The following CSMD2 variants were observed in gnomAD, a reference collection of about 807,000 sequenced individuals.
The protein encoded by CSMD2 is CUB and sushi domain-containing protein 2.
A neutral mutation model predicts 398.5 loss-of-function variants in CSMD2; 130 were observed. That is an observed-to-expected ratio of 0.33 (90% confidence interval 0.28 to 0.38). The LOEUF (loss-of-function observed/expected upper bound fraction) is 0.38. Ranked by LOEUF, CSMD2 falls within the 10% of genes least tolerant of loss-of-function variation. CSMD2 has a pLI of 1.00. For missense variants in CSMD2, 3,829 were observed against 4,764.9 expected, an observed-to-expected ratio of 0.80 and a Z score of 5.78; for synonymous variants, 1,828 against 1,908.5, an observed-to-expected ratio of 0.96 and a Z score of 1.10.
intron 3 of CSMD2, among the ~76,000 whole-genome samples, chr1:33,941,342 G>C (rs1558137265): frequency 6.6e-6 from 1 of 152,158 alleles, no homozygotes; most frequent in African/African-American, 2.4e-5. Context: ...ATAATGAAGA[G>C]TCATTTATGC....
At chr1:33,782,420 T>C (rs148565545) in intron 12 of CSMD2, among the ~76,000 whole-genome samples, 2 of 152,178 alleles carry the variant, frequency 1.3e-5, no homozygotes, top group Non-Finnish European at 2.9e-5. Flanking sequence ...TGAGTCCTCA[T>C]GAGACCCTGG....
chr1:34,055,262 T>C (rs989465202), intron 2 of CSMD2, among the ~76,000 whole-genome samples: 1 of 152,238 alleles, frequency 6.6e-6, no homozygotes, highest in Non-Finnish European at 1.5e-5. Context: ...AGAATACTTC[T>C]GTAACCAAAT....
chr1:33,865,263 G>T (rs1335943828), intron 5 of CSMD2, among the ~76,000 whole-genome samples: 1 of 151,774 alleles, frequency 6.6e-6, no homozygotes, highest in Non-Finnish European at 1.5e-5. Context: ...GGCCCCAGGA[G>T]AAACATATGG....
intron 2 of CSMD2, among the ~76,000 whole-genome samples, chr1:34,040,157 C>T (rs1159250053): frequency 6.6e-6 from 1 of 150,888 alleles, no homozygotes; most frequent in East Asian, 1.9e-4. Flanking sequence ...TACCACTGTG[C>T]TCCAGCCTGG....
intron 29 of CSMD2, among the ~76,000 whole-genome samples, chr1:33,637,079 T>G (rs1452190196): frequency 6.6e-6 from 1 of 152,186 alleles, no homozygotes; most frequent in Non-Finnish European, 1.5e-5. Flanking sequence ...TCTCTTCCTC[T>G]CTCTTCTGCC....
chr1:33,854,343 G>A (rs750878347), intron 5 of CSMD2, among the ~76,000 whole-genome samples: 1 of 152,236 alleles, frequency 6.6e-6, no homozygotes, highest in Non-Finnish European at 1.5e-5. Flanking sequence ...AGTGGAAGAA[G>A]GGATGATTGG....
In CSMD2 at chr1:33,714,627, G is replaced by A. The variant is rs755425153; in HGVS notation, c.3366C>T (p.Gly1122=). The change falls in exon 21 of 71, where the codon GGC becomes GGT. Residue 1122 remains glycine, a synonymous_variant. Transcript: ENST00000373381. ...GAGGCGAGCTCCACAGGCGCCGTCT[G>A]CCCCCCAGGCACGTGATGCGGGCGG... ...EGTARITCLG[G]RRRLWSSPLP... The A allele has an allele frequency of 6.2e-7, 1 of 1,613,968 alleles. No individual in the cohort carries two copies. Among genetic ancestry groups the A allele is most frequent in the Non-Finnish European group, 8.5e-7 (1 of 1,180,038 alleles).
chr1:33,800,136 G>T (rs552116818), intron 10 of CSMD2, among the ~76,000 whole-genome samples: 1 of 152,146 alleles, frequency 6.6e-6, no homozygotes, highest in Non-Finnish European at 1.5e-5. Context: ...GGCTGACCTT[G>T]GCCCACCCAG....
Position 33,572,686 on chromosome 1 carries a change from A to G in CSMD2, c.7582T>C (p.Ser2528Pro), listed in dbSNP as rs757965002. 1.9e-6 allele frequency: 3 copies of G among 1,608,336 alleles called. No homozygotes were observed. The highest frequency in any genetic ancestry group is 2.2e-5 in the East Asian group (1 of 44,726). ...SEAIPLCQAL[S>P]CGLPEAPKNG... ...TTGGGGGCCTCAGGAAGCCCACAGG[A>G]AAGAGCTAGCAAAAGGAAAACAATG... The change falls in exon 50 of 71, where the codon TCC (serine) becomes CCC (proline). Residue 2528 changes from serine to proline, a missense_variant. Transcript: ENST00000373381.
At chr1:33,762,150 A>G (rs764953361) in intron 13 of CSMD2, among the ~76,000 whole-genome samples, 5 of 152,234 alleles carry the variant, frequency 3.3e-5, no homozygotes, top group East Asian at 1.9e-4. Flanking sequence ...AGTAATGCAC[A>G]TATGTTCAAG....
chr1:34,004,758 G>A (rs1647007109), intron 3 of CSMD2, among the ~76,000 whole-genome samples: 1 of 152,194 alleles, frequency 6.6e-6, no homozygotes, highest in Non-Finnish European at 1.5e-5. Flanking sequence ...GCCTGAGGTA[G>A]GGTCCAAGTA....
At chr1:33,782,825 G>A (rs1438095553) in intron 12 of CSMD2, among the ~76,000 whole-genome samples, 3 of 152,222 alleles carry the variant, frequency 2.0e-5, no homozygotes, top group South Asian at 2.1e-4. Context: ...GGAGAACTTC[G>A]GATGTCATGT....
chr1:34,102,616 AACC>A (rs1660072977), intron 1 of CSMD2, among the ~76,000 whole-genome samples: 3 of 71,072 alleles, frequency 4.2e-5, no homozygotes, highest in African/African-American at 1.7e-4. Flanking sequence ...CCTGTGATCC[AACC>A]ATATCCCTGT....
rs904596406 is a variant in CSMD2, at chr1:34,037,144, T to C, written c.405-4438A>G. ...AAATTTAATAAGTTTTAAAAAATTA[T>C]ATCTATGGCTCATATTATATTGCTA... On this transcript the variant is annotated intron_variant, in intron 2 of 70. Coordinates refer to ENST00000373381, the MANE Select transcript of CSMD2 (RefSeq NM_001281956.2). 3.9e-5 allele frequency among the ~76,000 whole-genome samples: 6 copies of C among 152,268 alleles called. No homozygotes were observed. The South Asian group carries it at 8.3e-4, about 21-fold the overall frequency.
At chr1:33,657,214 C>T (rs1643973263) in intron 27 of CSMD2, among the ~76,000 whole-genome samples, 1 of 152,110 alleles carries the variant, frequency 6.6e-6, no homozygotes, top group South Asian at 2.1e-4. Context: ...ACCTGTAATC[C>T]CAGCATTTTG....
intron 33 of CSMD2, among the ~76,000 whole-genome samples, chr1:33,625,970 C>T (rs1459090288): frequency 6.6e-6 from 1 of 152,238 alleles, no homozygotes. Flanking sequence ...AGCCTCTTTG[C>T]ATCCTATCAG....
At chr1:33,688,244 G>C (rs1371269173) in intron 25 of CSMD2, among the ~76,000 whole-genome samples, 1 of 152,182 alleles carries the variant, frequency 6.6e-6, no homozygotes, top group Admixed American at 6.5e-5. Flanking sequence ...AACAGGATGA[G>C]GTAGGTCTAT....
intron 6 of CSMD2, among the ~76,000 whole-genome samples, chr1:33,835,819 T>C (rs1290168188): frequency 2.0e-5 from 3 of 152,098 alleles, no homozygotes; most frequent in Non-Finnish European, 4.4e-5. Flanking sequence ...CTTCATCCTT[T>C]AGCTCATCAT....
intron 1 of CSMD2, among the ~76,000 whole-genome samples, chr1:34,092,613 G>C (rs559245560): frequency 6.8e-4 from 104 of 152,336 alleles, no homozygotes; most frequent in African/African-American, 2.4e-3. Context: ...AAGGGGGCAG[G>C]GAGTTCCCTT....
Sources: gnomAD v4.1 joint callset for allele counts (sites outside exome capture counted in the v4.1 genomes callset) on GRCh38, gnomAD v4.1.1 for gene constraint, MANE v1.5 for transcripts, NCBI Gene and HGNC (gene_info 2026-07-23, HGNC 2026-07-21) for gene names.